The following CD34 variants were observed in gnomAD, a reference collection of about 807,000 sequenced individuals.
CD34 encodes CD34 molecule, also known as hematopoietic progenitor cell antigen CD34.
Under a neutral mutation model 40.1 loss-of-function variants are expected in CD34, and 34 were observed. That is an observed-to-expected ratio of 0.85 (90% CI 0.65 to 1.13). The LOEUF is 1.13. Among genes scored for constraint, CD34 ranks in the 50% most tolerant of loss-of-function variants. The pLI is 0.00. For synonymous variants in CD34, 209 were observed against 190.0 expected, an observed-to-expected ratio of 1.10 and a Z score of -0.82; for missense variants, 426 against 466.9, an observed-to-expected ratio of 0.91 and a Z score of 0.81.
chr1:207,891,632 A>G (rs956545445), intron 4 of CD34, among the ~76,000 whole-genome samples: 6 of 152,040 alleles, frequency 3.9e-5, no homozygotes, highest in Admixed American at 3.9e-4. Context: ...ACTGTACTCC[A>G]CCCTGGGTGA....
intron 5 of CD34, 36 bp from the exon 6 acceptor site, chr1:207,889,249 G>A: frequency 6.2e-7 from 1 of 1,613,954 alleles, no homozygotes; most frequent in Non-Finnish European, 8.5e-7. Context: ...AATCTAAAGA[G>A]AAACCAGCTT....
At chr1:207,910,906 C>A in intron 1 of CD34, 96 bp downstream of exon 1, 1 of 1,271,320 alleles carries the variant, frequency 7.9e-7, no homozygotes. Flanking sequence ...GGGTCCCTTC[C>A]CTCCGTGAGA....
In CD34 at chr1:207,881,744, C is replaced by G. The variant is rs919872886; in HGVS notation, c.*5994G>C. On this transcript the variant is annotated 3_prime_UTR_variant, in exon 8 of 8. Transcript: ENST00000310833. ...TTTACCAAAGTCTAAAACAATGACA[C>G]TCTTTTTCCTAATTGTTTTTGTTTT... 12 of 151,380 alleles carry G rather than the reference C, an allele frequency of 7.9e-5. No homozygotes were observed. Among genetic ancestry groups the G allele is most frequent in the African/African-American group, 2.7e-4 (11 of 41,272 alleles). The allele number at this position is 151,380 out of a possible 1,614,324, so 9.4% of individuals were successfully genotyped here. A position where few individuals can be genotyped will look rare whatever the true frequency, so the allele number is the denominator to read the frequency against.
Position 207,883,910 on chromosome 1 carries a change from T to G in CD34, c.*3828A>C, listed in dbSNP as rs962076757. On this transcript the variant is annotated 3_prime_UTR_variant, in exon 8 of 8. Coordinates refer to ENST00000310833, the MANE Select transcript of CD34 (RefSeq NM_001025109.2). ...CCTTCTACTTTCTTATCCCTCAACCTCTATTCTCTACTCAGCAGCCAGCAT... is the reference window on the plus strand; with the variant it reads ...CCTTCTACTTTCTTATCCCTCAACCGCTATTCTCTACTCAGCAGCCAGCAT... 1 of 152,096 alleles carries G rather than the reference T, an allele frequency of 6.6e-6. No individual in the cohort carries two copies. Among genetic ancestry groups the G allele is most frequent in the Non-Finnish European group, 1.5e-5 (1 of 68,032 alleles). The allele number at this position is 152,096 out of a possible 1,614,324, so 9.4% of individuals were successfully genotyped here.
chr1:207,891,410 G>A (rs548513507), intron 4 of CD34, among the ~76,000 whole-genome samples: 3 of 152,108 alleles, frequency 2.0e-5, no homozygotes, highest in African/African-American at 4.8e-5. Flanking sequence ...AACCAGGCGC[G>A]GTGACTCATG....
chr1:207,881,789 CATT>C lies in CD34; in HGVS notation c.*5946_*5948del, dbSNP rs1661816209. 6.6e-6 allele frequency: 1 copy of C among 151,386 alleles called. No individual in the cohort carries two copies. The highest frequency in any genetic ancestry group is 2.4e-5 in the African/African-American group (1 of 41,202). 9.4% of individuals were successfully genotyped at this position (151,386 alleles called of 1,614,324 possible). A position where few individuals can be genotyped will look rare whatever the true frequency, so the allele number is the denominator to read the frequency against. Reference sequence around the variant, plus strand: ...TGTTTTGGAAAATATAATTATTTTTCATTAAGAAAAGCATTACTTACATTATCA... The same window carrying C: ...TGTTTTGGAAAATATAATTATTTTTCAAGAAAAGCATTACTTACATTATCA... On this transcript the variant is annotated 3_prime_UTR_variant, in exon 8 of 8. Transcript: ENST00000310833.
chr1:207,882,844 T>C lies in CD34; in HGVS notation c.*4894A>G, dbSNP rs1246525192. 1 of 152,194 alleles carries C rather than the reference T, an allele frequency of 6.6e-6. No individual in the cohort carries two copies. Among genetic ancestry groups the C allele is most frequent in the Non-Finnish European group, 1.5e-5 (1 of 68,096 alleles). The allele number at this position is 152,194 out of a possible 1,614,324, so 9.4% of individuals were successfully genotyped here. A position where few individuals can be genotyped will look rare whatever the true frequency, so the allele number is the denominator to read the frequency against. On this transcript the variant is annotated 3_prime_UTR_variant, in exon 8 of 8. Coordinates refer to ENST00000310833, the MANE Select transcript of CD34 (RefSeq NM_001025109.2). ...GTCACTTCTCCTGGGAAGCCTTCCA[T>C]GGTCTTCCACGGCTTCCATGCCCCT...
chr1:207,900,789 T>G lies in CD34; in HGVS notation c.80-786A>C, dbSNP rs139264314. ...CTGGCTCTTCCAATAACTAACCATG[T>G]AATTTAATGCATGTATGTATCTCAG... On this transcript the variant is annotated intron_variant, in intron 1 of 7. Coordinates refer to ENST00000310833, the MANE Select transcript of CD34 (RefSeq NM_001025109.2). Among the ~76,000 whole-genome samples the G allele has an allele frequency of 4.9e-4, 74 of 152,344 alleles. 3 individuals are homozygous for G. Among genetic ancestry groups the G allele is most frequent in the African/African-American group, 1.6e-3 (67 of 41,576 alleles).
At chr1:207,906,109 T>C (rs1662375059) in intron 1 of CD34, among the ~76,000 whole-genome samples, 1 of 152,114 alleles carries the variant, frequency 6.6e-6, no homozygotes, top group African/African-American at 2.4e-5. Context: ...TCATTGTCAT[T>C]TAAATCAATC....
chr1:207,889,639 C>T lies in CD34; in HGVS notation c.598-18G>A, dbSNP rs1341546970. ...AACTCCGCCTGGGAAGACAGAGAAACATGGAGAGCAAGAGATGAAATTACT... is the reference window on the plus strand; with the variant it reads ...AACTCCGCCTGGGAAGACAGAGAAATATGGAGAGCAAGAGATGAAATTACT... On this transcript the variant is annotated intron_variant, in intron 4 of 7. Transcript: ENST00000310833. 1 of 1,612,078 alleles carries T rather than the reference C, an allele frequency of 6.2e-7. No individual in the cohort carries two copies. Among genetic ancestry groups the T allele is most frequent in the Admixed American group, 1.7e-5 (1 of 59,506 alleles).
At chr1:207,899,781 C>A in intron 2 of CD34, 40 bp downstream of exon 2, 1 of 1,562,396 alleles carries the variant, frequency 6.4e-7, no homozygotes, top group South Asian at 1.2e-5. Flanking sequence ...CCAAGCATCA[C>A]CAGCATCTCT....
intron 4 of CD34, among the ~76,000 whole-genome samples, chr1:207,895,379 A>G (rs951101775): frequency 2.0e-5 from 3 of 152,194 alleles, no homozygotes; most frequent in Non-Finnish European, 4.4e-5. Flanking sequence ...ACACTGGTGG[A>G]GAGACCAGGG....
In CD34 at chr1:207,910,332, T is replaced by C. The variant is rs535334185; in HGVS notation, c.79+670A>G. 1.3e-4 allele frequency among the ~76,000 whole-genome samples: 20 copies of C among 152,338 alleles called. No homozygotes were observed. In the South Asian group the frequency reaches 4.1e-3, roughly 32 times the overall value. On this transcript the variant is annotated intron_variant, in intron 1 of 7. Coordinates refer to ENST00000310833, the MANE Select transcript of CD34 (RefSeq NM_001025109.2). Reference sequence around the variant, plus strand: ...GAGGCTGGGCGCAGAGCAAATTCTGTCTACTTCTACCTCCTCCGCGGTGGG... The same window carrying C: ...GAGGCTGGGCGCAGAGCAAATTCTGCCTACTTCTACCTCCTCCGCGGTGGG...
chr1:207,902,972 AG>A (rs1432553052), intron 1 of CD34, among the ~76,000 whole-genome samples: 1 of 152,160 alleles, frequency 6.6e-6, no homozygotes, highest in Non-Finnish European at 1.5e-5. Context: ...CTTCAGAGTC[AG>A]GGCTCTGACC....
Position 207,899,942 on chromosome 1 carries a change from T to G in CD34, c.141A>C (p.Gly47=), listed in dbSNP as rs760459179. 2 of 1,613,998 alleles carry G rather than the reference T, an allele frequency of 1.2e-6. No individual in the cohort carries two copies. Among genetic ancestry groups the G allele is most frequent in the Admixed American group, 3.3e-5 (2 of 60,006 alleles). The change falls in exon 2 of 8, where the codon GGA becomes GGC. Residue 47 remains glycine (G), a synonymous_variant. Coordinates refer to ENST00000310833, the MANE Select transcript of CD34 (RefSeq NM_001025109.2). ...CATTTGTAGAAACATTTGAAAATGT[T>G]CCCTGGGTAGGTAACTCTGGGGTAG... is the stretch of plus-strand genomic sequence containing the variant. ...GTATPELPTQ[G]TFSNVSTNVS...
chr1:207,910,685 C>A (rs992551780), intron 1 of CD34, among the ~76,000 whole-genome samples: 1 of 147,326 alleles, frequency 6.8e-6, no homozygotes, highest in African/African-American at 2.7e-5. Context: ...CTTCGCACTC[C>A]GCGCCTCTGG....
rs566303916 is a variant in CD34 at position 207,886,254 on chromosome 1, T to C, written c.*1484A>G. On this transcript the variant is annotated 3_prime_UTR_variant, in exon 8 of 8. Transcript: ENST00000310833. ...GAAGGGTGTTCATGAAGGGTACAGC[T>C]CCTAAGAACCCAACATACCACCCTC... 6.6e-6 allele frequency: 1 copy of C among 152,332 alleles called. No individual in the cohort carries two copies. The highest frequency in any genetic ancestry group is 1.9e-4 in the East Asian group (1 of 5,188). The allele number at this position is 152,332 out of a possible 1,614,324, so 9.4% of individuals were successfully genotyped here. A position where few individuals can be genotyped will look rare whatever the true frequency, so the allele number is the denominator to read the frequency against.
chr1:207,903,186 T>C (rs1662312256), intron 1 of CD34, among the ~76,000 whole-genome samples: 1 of 152,218 alleles, frequency 6.6e-6, no homozygotes, highest in African/African-American at 2.4e-5. Flanking sequence ...TCTAGAGCCC[T>C]GGAGGAATGA....
chr1:207,900,061 C>T, intron 1 of CD34, 58 bp from the exon 2 acceptor site: 1 of 1,318,800 alleles, frequency 7.6e-7, no homozygotes, highest in Non-Finnish European at 1.0e-6. Context: ...GGTGATATCA[C>T]CTGATGCAAT....
Sources: gnomAD v4.1 joint callset for allele counts (sites outside exome capture counted in the v4.1 genomes callset) on GRCh38, gnomAD v4.1.1 for gene constraint, MANE v1.5 for transcripts, NCBI Gene and HGNC (gene_info 2026-07-23, HGNC 2026-07-21) for gene names.